INPP4B: variants seen among roughly 807,000 people sequenced by gnomAD.
INPP4B encodes inositol polyphosphate 4-phosphatase type II.
INPP4B carries 55 observed loss-of-function variants against 122.5 expected under a neutral mutation model. That is an observed-to-expected ratio of 0.45 (90% confidence interval 0.36 to 0.56). The LOEUF is 0.56. Among genes scored for constraint, INPP4B ranks in the 20% least tolerant of loss-of-function variants. INPP4B has a pLI of 0.00. For missense variants in INPP4B, 1,000 were observed against 1,097.7 expected, an observed-to-expected ratio of 0.91 and a Z score of 1.26; for synonymous variants, 403 against 388.7, an observed-to-expected ratio of 1.04 and a Z score of -0.43.
intron 1 of INPP4B, among the ~76,000 whole-genome samples, chr4:142,833,908 T>C (rs544317109): frequency 7.2e-5 from 11 of 152,178 alleles, no homozygotes; most frequent in African/African-American, 2.4e-4. Context: ...TGGTGGGAAA[T>C]TTATAACACC....
At chr4:142,350,318 G>T (rs1781563572) in intron 7 of INPP4B, among the ~76,000 whole-genome samples, 1 of 151,898 alleles carries the variant, frequency 6.6e-6, no homozygotes, top group Admixed American at 6.6e-5. Context: ...TGTTGCAGTT[G>T]TCACTTCTAT....
At chr4:142,454,137 T>A (rs1285225685) in intron 3 of INPP4B, among the ~76,000 whole-genome samples, 1 of 152,072 alleles carries the variant, frequency 6.6e-6, no homozygotes, top group Non-Finnish European at 1.5e-5. Flanking sequence ...TTTCCCATCT[T>A]CTTAATCTCA....
rs539464062 is a variant in INPP4B at position 142,082,280 on chromosome 4, A to C, written c.2488-95T>G. The C allele has an allele frequency of 5.7e-6, 6 of 1,060,458 alleles. No individual in the cohort carries two copies. The South Asian group carries it at 2.0e-4, about 35-fold the overall frequency. The allele number at this position is 1,060,458 out of a possible 1,614,324, so 65.7% of individuals were successfully genotyped here. ...CACTTCTAGTCTAAACACATCAAAT[A>C]TAAATTTGGGTTTCTGTTAGTTTAT... On this transcript the variant is annotated intron_variant, in intron 24 of 25. Coordinates refer to ENST00000262992, the MANE Select transcript of INPP4B (RefSeq NM_001101669.3).
intron 1 of INPP4B, among the ~76,000 whole-genome samples, chr4:142,802,422 T>C (rs948158377): frequency 6.6e-6 from 1 of 152,174 alleles, no homozygotes; most frequent in Admixed American, 6.5e-5. Context: ...TGGTGCTATA[T>C]TGTGAGAATG....
intron 7 of INPP4B, among the ~76,000 whole-genome samples, chr4:142,377,752 G>A (rs1048289522): frequency 6.6e-6 from 1 of 152,054 alleles, no homozygotes; most frequent in Non-Finnish European, 1.5e-5. Context: ...AGAATGCAGA[G>A]TATTAGAGTA....
chr4:142,371,918 A>T (rs1285631810), intron 7 of INPP4B, among the ~76,000 whole-genome samples: 1 of 151,950 alleles, frequency 6.6e-6, no homozygotes, highest in African/African-American at 2.4e-5. Flanking sequence ...CCATACCAGC[A>T]GTCCACTACT....
chr4:142,124,919 C>T (rs1361761384), intron 18 of INPP4B, among the ~76,000 whole-genome samples, 159 bp from the exon 19 acceptor site: 1 of 152,102 alleles, frequency 6.6e-6, no homozygotes, highest in Non-Finnish European at 1.5e-5. Context: ...TTAAATCTCT[C>T]GCCTGAACTC....
intron 4 of INPP4B, among the ~76,000 whole-genome samples, chr4:142,429,614 C>T (rs183495973): frequency 1.3e-5 from 2 of 152,102 alleles, no homozygotes; most frequent in Non-Finnish European, 2.9e-5. Context: ...GCCACTCTAA[C>T]CTGCTGTAAA....
At chr4:142,525,155 A>C (rs1186296081) in intron 2 of INPP4B, among the ~76,000 whole-genome samples, 41 of 151,724 alleles carry the variant, frequency 2.7e-4, no homozygotes, top group Non-Finnish European at 4.1e-4. Flanking sequence ...CAAAGAGAAT[A>C]AAATACCTAG....
intron 12 of INPP4B, among the ~76,000 whole-genome samples, chr4:142,237,618 G>T (rs1857231955): frequency 6.6e-6 from 1 of 151,818 alleles, no homozygotes; most frequent in Admixed American, 6.6e-5. Context: ...GGCCACCATA[G>T]GGGACAGTTC....
intron 9 of INPP4B, among the ~76,000 whole-genome samples, chr4:142,293,358 A>G (rs1225201302): frequency 2.0e-5 from 3 of 152,142 alleles, no homozygotes; most frequent in Non-Finnish European, 2.9e-5. Flanking sequence ...CAGGGAACTT[A>G]GCGGATCAAC....
chr4:142,773,537 A>G (rs1773409803), intron 1 of INPP4B, among the ~76,000 whole-genome samples: 1 of 152,196 alleles, frequency 6.6e-6, no homozygotes, highest in Non-Finnish European at 1.5e-5. Flanking sequence ...TCTTGATGTG[A>G]GATTTACTAT....
In INPP4B at chr4:142,028,373, C is replaced by CA. The variant is rs1231930317; in HGVS notation, c.*408dup. On this transcript the variant is annotated 3_prime_UTR_variant, in exon 26 of 26. Transcript: ENST00000262992. ...TCTCATAGGCTATTAAGTTGTATCA[C>CA]AAAAAAAATATGTTCCTTTTCCCCC... The CA allele has an allele frequency of 1.8e-4, 42 of 233,986 alleles. No homozygotes were observed. The highest frequency in any genetic ancestry group is 7.4e-4 in the East Asian group (12 of 16,248). 14.5% of individuals were successfully genotyped at this position (233,986 alleles called of 1,614,324 possible).
At chr4:142,262,698 G>C (rs1440963427) in intron 10 of INPP4B, among the ~76,000 whole-genome samples, 1 of 152,038 alleles carries the variant, frequency 6.6e-6, no homozygotes, top group Non-Finnish European at 1.5e-5. Context: ...AACTTAGTAG[G>C]TGATATTTTT....
At chr4:142,733,266 A>G (rs143103034) in intron 1 of INPP4B, among the ~76,000 whole-genome samples, 1,797 of 152,302 alleles carry the variant, frequency 0.012, 14 homozygotes, top group Middle Eastern at 0.02. Flanking sequence ...TAAACAGAGT[A>G]TAAGTGGTAA....
At chr4:142,845,225 C>T (rs1240147127) in intron 1 of INPP4B, among the ~76,000 whole-genome samples, 1 of 152,142 alleles carries the variant, frequency 6.6e-6, no homozygotes, top group Non-Finnish European at 1.5e-5. Flanking sequence ...CTGGGCCCCT[C>T]TCCACCGACT....
At chr4:142,621,029 T>A (rs576144764) in intron 2 of INPP4B, among the ~76,000 whole-genome samples, 16 of 152,032 alleles carry the variant, frequency 1.1e-4, no homozygotes, top group South Asian at 2.1e-4. Flanking sequence ...GCTTTTTTTT[T>A]AAATCTAGTG....
At chr4:142,169,855 A>G (rs1824687105) in intron 16 of INPP4B, among the ~76,000 whole-genome samples, 2 of 151,722 alleles carry the variant, frequency 1.3e-5, no homozygotes, top group Admixed American at 1.3e-4. Flanking sequence ...TAAGTGCTCA[A>G]TAGTGCTTTT....
chr4:142,546,513 T>C (rs774095562), intron 2 of INPP4B, among the ~76,000 whole-genome samples: 1 of 152,096 alleles, frequency 6.6e-6, no homozygotes, highest in South Asian at 2.1e-4. Flanking sequence ...TTAGATAGCA[T>C]CATGAAGAAC....
Sources: allele counts gnomAD v4.1 joint callset (sites outside exome capture counted in the v4.1 genomes callset), GRCh38; gene constraint gnomAD v4.1.1; transcripts MANE v1.5; gene names NCBI Gene and HGNC (gene_info 2026-07-23, HGNC 2026-07-21).